Variants in NBEAL1 observed in about 807,000 individuals in gnomAD.
NBEAL1 encodes neurobeachin-like protein 1.
In NBEAL1, 273 loss-of-function variants were observed where a neutral mutation model predicts 351.3. The ratio of observed to expected loss-of-function variants is 0.78; its 90% CI spans 0.70 to 0.86. NBEAL1 has a LOEUF of 0.86. NBEAL1 is among the 40% of genes least tolerant of loss of function. The pLI, the probability that NBEAL1 is intolerant of heterozygous loss-of-function variation, is 0.00. For synonymous variants in NBEAL1, 1,050 were observed against 1,086.4 expected, an observed-to-expected ratio of 0.97 and a Z score of 0.66; for missense variants, 2,961 against 3,201.3, an observed-to-expected ratio of 0.92 and a Z score of 1.81.
At chr2:203,015,235 T>G (rs779924000) in intron 1 of NBEAL1, among the ~76,000 whole-genome samples, 1 of 152,184 alleles carries the variant, frequency 6.6e-6, no homozygotes, top group Non-Finnish European at 1.5e-5. Flanking sequence ...GTTTGGGTTG[T>G]CTTGGGATGT....
chr2:203,211,024 C>CA lies in NBEAL1; in HGVS notation c.7854dup (p.Val2619SerfsTer72), dbSNP rs780016882. ...TCTAGGGTCTCAAATCCTGAAGGAA[C>CA]AAGTATCAGATATATGTATAATCGG... On this transcript the variant is annotated frameshift_variant, in exon 54 of 56. Coordinates refer to ENST00000683969, the MANE Select transcript of NBEAL1 (RefSeq NM_001378026.1). LOFTEE classifies it high-confidence loss of function. 6.2e-7 allele frequency: 1 copy of CA among 1,606,068 alleles called. No individual in the cohort carries two copies. Among genetic ancestry groups the CA allele is most frequent in the South Asian group, 1.1e-5 (1 of 89,874 alleles).
chr2:203,207,246 A>G (rs368057822), intron 51 of NBEAL1, among the ~76,000 whole-genome samples: 5 of 144,202 alleles, frequency 3.5e-5, no homozygotes, highest in African/African-American at 5.2e-5. Context: ...TGGGAAGTGA[A>G]GAGCATCTCC....
chr2:203,204,127 C>T (rs955365647), intron 51 of NBEAL1, among the ~76,000 whole-genome samples: 1 of 151,474 alleles, frequency 6.6e-6, no homozygotes, highest in African/African-American at 2.4e-5. Context: ...CGGGGTTTCA[C>T]CATCTTCTCC....
chr2:203,198,164 C>T (rs377676208), intron 48 of NBEAL1, among the ~76,000 whole-genome samples: 67 of 151,650 alleles, frequency 4.4e-4, no homozygotes, highest in African/African-American at 1.6e-3. Context: ...AGATACACAC[C>T]ACCATGGCCA....
intron 3 of NBEAL1, among the ~76,000 whole-genome samples, chr2:203,043,342 T>C: frequency 6.6e-6 from 1 of 152,196 alleles, no homozygotes; most frequent in East Asian, 1.9e-4. Flanking sequence ...TTCTATATCT[T>C]AAGCTATCTT....
chr2:203,081,754 A>C (rs2061877159), intron 8 of NBEAL1, among the ~76,000 whole-genome samples: 2 of 152,176 alleles, frequency 1.3e-5, no homozygotes, highest in Admixed American at 1.3e-4. Flanking sequence ...TGGGGCTCTA[A>C]GATAGAGGGG....
At chr2:203,044,984 G>A (rs1230571730) in intron 3 of NBEAL1, among the ~76,000 whole-genome samples, 1 of 152,118 alleles carries the variant, frequency 6.6e-6, no homozygotes, top group African/African-American at 2.4e-5. Context: ...ATTTTGAACA[G>A]TAAAGTCCTA....
intron 53 of NBEAL1, 151 bp downstream of exon 53, chr2:203,209,473 TAG>T (rs1244218724): frequency 1.8e-6 from 1 of 567,202 alleles, no homozygotes; most frequent in East Asian, 2.8e-5. Flanking sequence ...TTCTTAACAT[TAG>T]ATGGCCTTCT....
intron 18 of NBEAL1, among the ~76,000 whole-genome samples, chr2:203,117,680 C>T (rs2062730822): frequency 6.6e-6 from 1 of 151,966 alleles, no homozygotes; most frequent in South Asian, 2.1e-4. Context: ...TCTACTCCAC[C>T]ACCCCACACC....
chr2:203,201,560 A>G lies in NBEAL1; in HGVS notation c.7256A>G (p.Asn2419Ser). Residue 2419 changes from asparagine (N) to serine (S), a missense_variant, in exon 50 of 56, where the codon AAT (asparagine) becomes AGT (serine). By Grantham distance (46) the Asn-to-Ser change is conservative. Coordinates refer to ENST00000683969, the MANE Select transcript of NBEAL1 (RefSeq NM_001378026.1). ...GTTTACAGAACTCAGCGCAGTATAA[A>G]TGGTTCTTTTGCTCCCGGGCTAGAG... ...VTNPKTQRSI[N>S]GSFAPGLEIT... 1 of 1,594,068 alleles carries G rather than the reference A, an allele frequency of 6.3e-7. No homozygotes were observed. The highest frequency in any genetic ancestry group is 8.5e-7 in the Non-Finnish European group (1 of 1,169,852).
At position 203,084,378 on chromosome 2, in the gene NBEAL1, T is replaced by C. The variant is rs540233620; in HGVS notation, c.992-85T>C. On this transcript the variant is annotated intron_variant, in intron 9 of 55. Transcript: ENST00000683969. The stretch of plus-strand genomic sequence containing the variant: ...CTGAACATCAAAGTTGTTTTAAAAA[T>C]TAAAAAGAAAAATGATTAGAGTAAA... The C allele has an allele frequency of 3.5e-4, 216 of 616,458 alleles. 1 individual carries two copies. Among genetic ancestry groups the C allele is most frequent in the African/African-American group, 2.5e-3 (129 of 52,018 alleles). The allele number at this position is 616,458 out of a possible 1,614,324, so 38.2% of individuals were successfully genotyped here.
At chr2:203,119,451 G>A (rs528739497) in intron 18 of NBEAL1, among the ~76,000 whole-genome samples, 492 of 18,362 alleles carry the variant, frequency 0.027, 1 homozygote, top group Non-Finnish European at 0.065. Flanking sequence ...TTTTGAGACG[G>A]AGTCTCGCTC....
chr2:203,131,484 G>A (rs1435696528), intron 25 of NBEAL1, among the ~76,000 whole-genome samples: 1 of 152,184 alleles, frequency 6.6e-6, no homozygotes, highest in Non-Finnish European at 1.5e-5. Flanking sequence ...GCTAAGTGCT[G>A]GGATTACAGG....
chr2:203,171,059 C>G (rs1290373513), intron 39 of NBEAL1, among the ~76,000 whole-genome samples: 2 of 152,076 alleles, frequency 1.3e-5, no homozygotes, highest in East Asian at 3.9e-4. Context: ...GAGTTCGAGA[C>G]CAGCCTGGCC....
chr2:203,125,700 A>C (rs17408459), intron 20 of NBEAL1, among the ~76,000 whole-genome samples, 180 bp downstream of exon 20: 68,063 of 152,010 alleles, frequency 0.45, 17,503 homozygotes, highest in Middle Eastern at 0.67. Context: ...AAAACGACAG[A>C]TTAATCTCCA....
chr2:203,041,678 T>C, intron 2 of NBEAL1, 87 bp from the exon 3 acceptor site: 2 of 795,336 alleles, frequency 2.5e-6, no homozygotes, highest in Non-Finnish European at 2.1e-6. Context: ...ATAGTATTGA[T>C]TCTTTAGGTA....
At chr2:203,168,746 T>C (rs13388471) in intron 38 of NBEAL1, among the ~76,000 whole-genome samples, 71 of 151,602 alleles carry the variant, frequency 4.7e-4, no homozygotes, top group African/African-American at 1.6e-3. Flanking sequence ...ATACAGAAAT[T>C]AGCTGGGCAT....
At chr2:203,138,579 A>G in intron 30 of NBEAL1, 41 bp from the exon 31 acceptor site, 2 of 1,547,250 alleles carry the variant, frequency 1.3e-6, no homozygotes, top group African/African-American at 2.8e-5. Context: ...AAATTGAAAA[A>G]CTGAATGTTT....
At position 203,049,961 on chromosome 2, in the gene NBEAL1, CATT is replaced by C; in HGVS notation, c.295_297del (p.Ile99del). The C allele has an allele frequency of 6.4e-7, 1 of 1,551,784 alleles. No individual in the cohort carries two copies. Among genetic ancestry groups the C allele is most frequent in the African/African-American group, 1.4e-5 (1 of 73,322 alleles). ...TGTCAATTTTGCTTGTCAAGTTCTT[CATT>C]ATTCTTTGCAGGTATCTAGTAGAAA... On this transcript the variant is annotated inframe_deletion, in exon 4 of 56. Transcript: ENST00000683969.
Sources: gnomAD v4.1 joint callset for allele counts (sites outside exome capture counted in the v4.1 genomes callset) on GRCh38, gnomAD v4.1.1 for gene constraint, MANE v1.5 for transcripts, NCBI Gene and HGNC (gene_info 2026-07-23, HGNC 2026-07-21) for gene names.